The following TANC1 variants were observed in gnomAD, a reference collection of about 807,000 sequenced individuals.
TANC1 encodes protein TANC1.
In TANC1, 77 loss-of-function variants were observed where a neutral mutation model predicts 149.7. The observed-to-expected ratio is 0.51, with a 90% CI of 0.43 to 0.62. TANC1 has a LOEUF of 0.62. Among genes scored for constraint, TANC1 ranks in the 20% least tolerant of loss-of-function variants. The pLI is 0.00. For synonymous variants in TANC1, 854 were observed against 925.0 expected (o/e 0.92, Z 1.39); for missense variants, 1,985 against 2,321.8 (o/e 0.85, Z 2.98).
chr2:159,012,319 A>G (rs1344730003), intron 2 of TANC1, among the ~76,000 whole-genome samples: 3 of 152,236 alleles, frequency 2.0e-5, no homozygotes, highest in Non-Finnish European at 4.4e-5. Context: ...ATATTCTGGC[A>G]TGTATTATTC....
rs1340032224 is a variant in TANC1, at chr2:159,217,490, C to T, written c.3245-7C>T. ...AACAGATTCCCCTCCATGTGACTTT[C>T]CTTTAGCCCTGACTGCCGCCGCAGG... On this transcript the variant is annotated splice_polypyrimidine_tract_variant and splice_region_variant and intron_variant, in intron 19 of 26. Transcript: ENST00000263635. 1.2e-6 allele frequency: 2 copies of T among 1,614,138 alleles called. No individual in the cohort carries two copies. Among genetic ancestry groups the T allele is most frequent in the African/African-American group, 1.3e-5 (1 of 75,054 alleles).
intron 19 of TANC1, among the ~76,000 whole-genome samples, chr2:159,215,756 C>G (rs1005263104): frequency 6.6e-6 from 1 of 152,204 alleles, no homozygotes; most frequent in African/African-American, 2.4e-5. Context: ...TGAACAAAAT[C>G]CTCTGTGTGT....
intron 7 of TANC1, among the ~76,000 whole-genome samples, chr2:159,152,057 A>G (rs1430501761): frequency 2.6e-5 from 4 of 152,182 alleles, no homozygotes; most frequent in African/African-American, 9.7e-5. Flanking sequence ...CTGTCTCTGT[A>G]GCTTATTCTG....
intron 2 of TANC1, among the ~76,000 whole-genome samples, chr2:159,045,455 A>G (rs2040966228): frequency 6.6e-6 from 1 of 152,192 alleles, no homozygotes; most frequent in South Asian, 2.1e-4. Context: ...TAAGATAGCC[A>G]GATATGATAA....
chr2:159,228,190 T>C, intron 25 of TANC1: 1 of 525,304 alleles, frequency 1.9e-6, no homozygotes, highest in Non-Finnish European at 3.3e-6. Context: ...TGGGTTTCGT[T>C]TCCTTGGCCT....
chr2:159,086,893 A>G (rs1021949573), intron 3 of TANC1, among the ~76,000 whole-genome samples: 1 of 151,616 alleles, frequency 6.6e-6, no homozygotes, highest in Non-Finnish European at 1.5e-5. Context: ...GAAAATGTTC[A>G]TATGGTAAAC....
intron 4 of TANC1, among the ~76,000 whole-genome samples, chr2:159,130,694 A>G (rs1277427951): frequency 6.6e-6 from 1 of 152,026 alleles, no homozygotes. Context: ...TTTTCTTTCT[A>G]TAGGGCGTTT....
chr2:159,127,101 C>G (rs974497221), intron 4 of TANC1, among the ~76,000 whole-genome samples: 2 of 152,062 alleles, frequency 1.3e-5, no homozygotes, highest in African/African-American at 4.8e-5. Context: ...TTAATGATAC[C>G]TTATTGAAAG....
rs556931437 is a variant in TANC1, at chr2:159,027,931, G to A, written c.-16+26742G>A. 3.9e-5 allele frequency among the ~76,000 whole-genome samples: 6 copies of A among 152,258 alleles called. No individual in the cohort carries two copies. In the East Asian group the frequency reaches 9.7e-4, roughly 25 times the overall value. On this transcript the variant is annotated intron_variant, in intron 2 of 26. Coordinates refer to ENST00000263635, the MANE Select transcript of TANC1 (RefSeq NM_033394.3). ...GGTATCACGCAGCGAGAGGGCAAGA[G>A]CGTGCATGTCAGTTCAAGTCTCTCC...
intron 19 of TANC1, among the ~76,000 whole-genome samples, chr2:159,216,273 C>T (rs1435874548): frequency 6.6e-6 from 1 of 152,118 alleles, no homozygotes; most frequent in African/African-American, 2.4e-5. Flanking sequence ...GTCTGCCTGA[C>T]TGACTTGTAA....
chr2:159,172,026 A>T (rs1474338923), intron 10 of TANC1, 95 bp from the exon 11 acceptor site: 18 of 1,284,950 alleles, frequency 1.4e-5, no homozygotes, highest in Admixed American at 2.0e-5. Flanking sequence ...CTCCTTGCTT[A>T]TTAAAATATG....
intron 2 of TANC1, chr2:159,003,930 A>G (rs1454096347): frequency 7.4e-6 from 12 of 1,612,778 alleles, no homozygotes; most frequent in East Asian, 2.2e-5. Context: ...AAGGTGGTAC[A>G]TAGAACAGCC....
At chr2:159,022,037 T>C (rs1222719102) in intron 2 of TANC1, among the ~76,000 whole-genome samples, 1 of 152,182 alleles carries the variant, frequency 6.6e-6, no homozygotes, top group Non-Finnish European at 1.5e-5. Context: ...TTCAGAACTG[T>C]GGAAAAAAAG....
chr2:159,074,792 A>G (rs1433082362), intron 3 of TANC1, among the ~76,000 whole-genome samples: 1 of 152,126 alleles, frequency 6.6e-6, no homozygotes, highest in African/African-American at 2.4e-5. Flanking sequence ...TCCCCTCGCC[A>G]TGCTGCACGC....
chr2:159,122,090 A>G (rs1008374218), intron 4 of TANC1, among the ~76,000 whole-genome samples: 2 of 152,186 alleles, frequency 1.3e-5, no homozygotes, highest in African/African-American at 4.8e-5. Flanking sequence ...GGCACACGCC[A>G]CCACACCCAC....
At chr2:159,141,283 C>T (rs1239595050) in intron 5 of TANC1, among the ~76,000 whole-genome samples, 2 of 152,186 alleles carry the variant, frequency 1.3e-5, no homozygotes, top group Admixed American at 1.3e-4. Context: ...TCACTAATCC[C>T]ATTCTGAGAC....
At chr2:159,167,522 T>C (rs1363437688) in intron 8 of TANC1, among the ~76,000 whole-genome samples, 1 of 152,246 alleles carries the variant, frequency 6.6e-6, no homozygotes, top group Non-Finnish European at 1.5e-5. Context: ...TAGCTGAGTC[T>C]TTCTAATGGG....
intron 4 of TANC1, among the ~76,000 whole-genome samples, chr2:159,118,904 A>G (rs530428510): frequency 1.5e-3 from 221 of 152,280 alleles, no homozygotes; most frequent in African/African-American, 5.0e-3. Context: ...AAGAGAAGCT[A>G]CCTCCTAACT....
chr2:159,091,924 G>A (rs1209364664), intron 3 of TANC1, among the ~76,000 whole-genome samples: 3 of 148,184 alleles, frequency 2.0e-5, no homozygotes, highest in Non-Finnish European at 4.5e-5. Context: ...AATGATACTG[G>A]ATCTTGTGGA....
Sources: gnomAD v4.1 joint callset for allele counts (sites outside exome capture counted in the v4.1 genomes callset) on GRCh38, gnomAD v4.1.1 for gene constraint, MANE v1.5 for transcripts, NCBI Gene and HGNC (gene_info 2026-07-23, HGNC 2026-07-21) for gene names.